Variants in FBXL5 observed in about 807,000 individuals in gnomAD.
FBXL5 encodes F-box and leucine rich repeat protein 5, also known as F-box/LRR-repeat protein 5.
FBXL5 carries 26 observed loss-of-function variants against 78.3 expected under a neutral mutation model. The ratio of observed to expected loss-of-function variants is 0.33; its 90% CI spans 0.24 to 0.46. FBXL5 has a LOEUF of 0.46. Ranked by LOEUF, FBXL5 falls within the 20% of genes least tolerant of loss-of-function variation. The pLI is 1.00. For missense variants in FBXL5, 710 were observed against 829.2 expected, an observed-to-expected ratio of 0.86 and a Z score of 1.77; for synonymous variants, 295 against 282.5, an observed-to-expected ratio of 1.04 and a Z score of -0.45.
chr4:15,650,380 C>G (rs943074051), intron 1 of FBXL5, among the ~76,000 whole-genome samples: 1 of 152,154 alleles, frequency 6.6e-6, no homozygotes, highest in Non-Finnish European at 1.5e-5. Context: ...ATTTCCCTCT[C>G]TTATCTGTGA....
chr4:15,657,664 G>A (rs1456031040), upstream of FBXL5, among the ~76,000 whole-genome samples: 1 of 152,228 alleles, frequency 6.6e-6, no homozygotes, highest in Non-Finnish European at 1.5e-5. Context: ...ATCCCTGTGA[G>A]TAATTTTTCC....
At chr4:15,633,869 G>C (rs1448135212) in intron 5 of FBXL5, among the ~76,000 whole-genome samples, 1 of 152,138 alleles carries the variant, frequency 6.6e-6, no homozygotes, top group African/African-American at 2.4e-5. Context: ...CAAAGTGCTA[G>C]GAGATTACAG....
chr4:15,622,347 T>A (rs1712577328), intron 9 of FBXL5, among the ~76,000 whole-genome samples: 1 of 152,246 alleles, frequency 6.6e-6, no homozygotes, highest in African/African-American at 2.4e-5. Flanking sequence ...ACTGGTTGAC[T>A]GAAACACTTT....
intron 3 of FBXL5, 35 bp downstream of exon 3, chr4:15,640,753 A>G (rs1451045809): frequency 8.7e-7 from 1 of 1,147,784 alleles, no homozygotes; most frequent in Non-Finnish European, 1.2e-6. Flanking sequence ...TAAGAATGTT[A>G]TAAATCTAAA....
At chr4:15,670,577 T>C (rs10516289) in intron 1 of FBXL5, among the ~76,000 whole-genome samples, 10,585 of 152,286 alleles carry the variant, frequency 0.07, 480 homozygotes, top group Middle Eastern at 0.099. Flanking sequence ...TTAACTGGGA[T>C]GCATATATAG....
intron 6 of FBXL5, 125 bp from the exon 7 acceptor site, chr4:15,628,158 T>A: frequency 6.4e-6 from 6 of 933,488 alleles, no homozygotes; most frequent in Admixed American, 3.4e-5. Flanking sequence ...ATGTAAACCA[T>A]CCCATTTTTA....
At chr4:15,615,338 C>A (rs758031514) in intron 9 of FBXL5, among the ~76,000 whole-genome samples, 2 of 152,090 alleles carry the variant, frequency 1.3e-5, no homozygotes, top group Non-Finnish European at 2.9e-5. Context: ...CCACATGCAA[C>A]CCCGGTGTGG....
chr4:15,655,035 G>C (rs1224190128), intron 1 of FBXL5, among the ~76,000 whole-genome samples, 169 bp downstream of exon 1: 3 of 150,936 alleles, frequency 2.0e-5, no homozygotes, highest in Non-Finnish European at 4.4e-5. Context: ...GCCTCGCAGC[G>C]GGCGGGCAGG....
upstream of FBXL5, among the ~76,000 whole-genome samples, chr4:15,663,103 CAT>C (rs1717390866): frequency 1.3e-5 from 2 of 152,150 alleles, no homozygotes; most frequent in Admixed American, 1.3e-4. Flanking sequence ...TACAAGTTTA[CAT>C]ATGTTTATTC....
At position 15,625,333 on chromosome 4, in the gene FBXL5, T is replaced by G. The variant is rs767467197; in HGVS notation, c.1769A>C (p.Glu590Ala). The change falls in exon 9 of 11, where the codon GAA becomes GCA. Residue 590 changes from glutamate to alanine, a missense_variant. This residue lies in a region of FBXL5 where 517 missense variants were observed against 542.9 expected (regional missense o/e 0.95). Transcript: ENST00000341285. The part of the protein sequence containing the change: ...RGKDLIYFGS[E>A]KSDQETGRVL... ...ACGTCCAGTCTCTTGATCAGATTTTTCACTCCCAAAGTAAATTAAGTCTTT... is the reference window on the plus strand; with the variant it reads ...ACGTCCAGTCTCTTGATCAGATTTTGCACTCCCAAAGTAAATTAAGTCTTT... 1 of 1,614,248 alleles carries G rather than the reference T, an allele frequency of 6.2e-7. No individual in the cohort carries two copies. The highest frequency in any genetic ancestry group is 1.3e-5 in the African/African-American group (1 of 75,080).
intron 1 of FBXL5, among the ~76,000 whole-genome samples, chr4:15,671,718 C>T (rs185519041): frequency 2.6e-5 from 4 of 152,276 alleles, no homozygotes; most frequent in African/African-American, 7.2e-5. Context: ...CACTAGGGTG[C>T]TTAAACTTAT....
intron 1 of FBXL5, among the ~76,000 whole-genome samples, chr4:15,679,575 A>C (rs1343532070): frequency 6.6e-6 from 1 of 151,538 alleles, no homozygotes; most frequent in African/African-American, 2.4e-5. Context: ...AAAAAAAAAA[A>C]AACAAAAAAA....
In FBXL5 at chr4:15,655,198, C is replaced by T. The variant is rs201406404; in HGVS notation, c.84+6G>A. ...GCCCACAGCGGGAGGCTCAGCGCTC[C>T]GTTACCTTGTCGCAGTAGAGCCCCA... On this transcript the variant is annotated splice_donor_region_variant and intron_variant, in intron 1 of 10. Coordinates refer to ENST00000341285, the MANE Select transcript of FBXL5 (RefSeq NM_012161.4). 12 of 1,405,332 alleles carry T rather than the reference C, an allele frequency of 8.5e-6. No homozygotes were observed. Among genetic ancestry groups the T allele is most frequent in the Admixed American group, 2.3e-5 (1 of 44,078 alleles). The allele number at this position is 1,405,332 out of a possible 1,614,324, so 87.1% of individuals were successfully genotyped here.
At chr4:15,617,022 G>A (rs1293306864) in intron 9 of FBXL5, among the ~76,000 whole-genome samples, 2 of 152,298 alleles carry the variant, frequency 1.3e-5, no homozygotes, top group African/African-American at 4.8e-5. Context: ...TACACTGTTG[G>A]GAGTGTAAAT....
intron 5 of FBXL5, among the ~76,000 whole-genome samples, chr4:15,631,189 C>T (rs1438297314): frequency 6.6e-6 from 1 of 152,072 alleles, no homozygotes; most frequent in African/African-American, 2.4e-5. Flanking sequence ...GTCCTTGTGA[C>T]AGTTTGCTAA....
At chr4:15,621,364 A>T (rs568021960) in intron 9 of FBXL5, among the ~76,000 whole-genome samples, 1 of 152,230 alleles carries the variant, frequency 6.6e-6, no homozygotes, top group Non-Finnish European at 1.5e-5. Context: ...AATAGCATCA[A>T]AATGTGTAAT....
intron 2 of FBXL5, among the ~76,000 whole-genome samples, chr4:15,642,477 C>A (rs1035357766): frequency 6.6e-6 from 1 of 152,108 alleles, no homozygotes; most frequent in Non-Finnish European, 1.5e-5. Context: ...CTCAAGTGAT[C>A]TGCCCGCCTC....
chr4:15,604,503 T>C lies in FBXL5; in HGVS notation c.*1220A>G, dbSNP rs547328672. ...CAGATTTAATAATAGTGAAAAACTA[T>C]GAAATACTCCAAGAATTATCACAAT... On this transcript the variant is annotated 3_prime_UTR_variant, in exon 11 of 11. Coordinates refer to ENST00000341285, the MANE Select transcript of FBXL5 (RefSeq NM_012161.4). The C allele has an allele frequency of 5.4e-5, 8 of 149,128 alleles. No individual in the cohort carries two copies. In the South Asian group the frequency reaches 1.3e-3, roughly 24 times the overall value. The allele number at this position is 149,128 out of a possible 1,614,324, so 9.2% of individuals were successfully genotyped here. A position where few individuals can be genotyped will look rare whatever the true frequency, so the allele number is the denominator to read the frequency against.
At chr4:15,615,351 T>C (rs1711699273) in intron 9 of FBXL5, among the ~76,000 whole-genome samples, 2 of 152,000 alleles carry the variant, frequency 1.3e-5, no homozygotes, top group African/African-American at 4.8e-5. Flanking sequence ...CGGTGTGGGA[T>C]CCACTGGGTG....
Sources: allele counts gnomAD v4.1 joint callset (sites outside exome capture counted in the v4.1 genomes callset), GRCh38; gene constraint gnomAD v4.1.1; regional missense constraint gnomAD v4.1.1; transcripts MANE v1.5; gene names NCBI Gene and HGNC (gene_info 2026-07-23, HGNC 2026-07-21).